RPS6KA5: variants seen among roughly 807,000 people sequenced by gnomAD.
RPS6KA5 encodes the protein ribosomal protein S6 kinase alpha-5.
RPS6KA5 carries 27 observed loss-of-function variants against 85.5 expected under a neutral mutation model. That is an observed-to-expected ratio of 0.32 (90% CI 0.23 to 0.44). The LOEUF is 0.44. Among genes scored for constraint, RPS6KA5 ranks in the 20% least tolerant of loss-of-function variants. The pLI is 1.00. For synonymous variants in RPS6KA5, 334 were observed against 348.2 expected (o/e 0.96, Z 0.46); for missense variants, 811 against 980.9 (o/e 0.83, Z 2.31).
intron 7 of RPS6KA5, among the ~76,000 whole-genome samples, chr14:90,907,073 C>T (rs987891709): frequency 6.6e-6 from 1 of 152,064 alleles, no homozygotes; most frequent in East Asian, 1.9e-4. Flanking sequence ...TCCAAGTGTA[C>T]CTTTCTCCCT....
Position 90,947,430 on chromosome 14 carries a change from CT to C in RPS6KA5, c.510+4del. 1 of 1,544,044 alleles carries C rather than the reference CT, an allele frequency of 6.5e-7. No individual in the cohort carries two copies. The highest frequency in any genetic ancestry group is 9.0e-7 in the Non-Finnish European group (1 of 1,116,768). Reference sequence around the variant, plus strand: ...AAAAGAAACCTGAAAAATGAAGAGTCTTACCTTGTGGAGATGTTCGAGGGCA... The same window carrying C: ...AAAAGAAACCTGAAAAATGAAGAGTCTACCTTGTGGAGATGTTCGAGGGCA... On this transcript the variant is annotated splice_donor_region_variant and intron_variant, in intron 4 of 16. Coordinates refer to ENST00000614987, the MANE Select transcript of RPS6KA5 (RefSeq NM_004755.4).
At chr14:91,047,421 C>T (rs138463325) in intron 1 of RPS6KA5, among the ~76,000 whole-genome samples, 1 of 152,206 alleles carries the variant, frequency 6.6e-6, no homozygotes, top group Non-Finnish European at 1.5e-5. Context: ...AGCAGCACAG[C>T]TAGCCTTGGT....
intron 1 of RPS6KA5, chr14:91,060,029 G>A (rs2043574772): frequency 2.0e-6 from 2 of 985,258 alleles, no homozygotes; most frequent in Non-Finnish European, 2.4e-6. Flanking sequence ...TGTGCGGGAA[G>A]GGGGAGCAGC....
In RPS6KA5 at chr14:90,890,685, G is replaced by A; in HGVS notation, c.1645-7C>T. ...CATCGGTGAACAATAAATTCTGCAA[G>A]ATATCAATGCTTACATTAGTTTCTC... On this transcript the variant is annotated splice_region_variant and splice_polypyrimidine_tract_variant and intron_variant, in intron 13 of 16. Transcript: ENST00000614987. The A allele has an allele frequency of 6.2e-7, 1 of 1,608,430 alleles. No individual in the cohort carries two copies.
chr14:90,892,708 CAA>C (rs1179132754), intron 13 of RPS6KA5, among the ~76,000 whole-genome samples: 1 of 152,176 alleles, frequency 6.6e-6, no homozygotes, highest in Admixed American at 6.5e-5. Context: ...AGCTACCTAC[CAA>C]AAGATAGATA....
chr14:90,872,095 C>A lies in RPS6KA5; in HGVS notation c.2388G>T (p.Gln796His), dbSNP rs1453352381. The stretch of plus-strand genomic sequence containing the variant: ...ATGCCTAAGCTACTGAGTCCGAGAA[C>A]TGGAAGAGGGTCTCCGGGTTATTGC... The part of the protein sequence containing the change: ...ADSNNPETLF[Q>H]FSDSVA Residue 796 changes from glutamine to histidine, a missense_variant, in exon 17 of 17, where the codon CAG (glutamine) becomes CAT (histidine). Transcript: ENST00000614987. 4 of 1,613,066 alleles carry A rather than the reference C, an allele frequency of 2.5e-6. No individual in the cohort carries two copies. The highest frequency in any genetic ancestry group is 3.4e-6 in the Non-Finnish European group (4 of 1,179,634).
rs541959205 is a variant in RPS6KA5 at position 90,850,791 on chromosome 14, G to A, written c.*21283C>T. On this transcript the variant is annotated 3_prime_UTR_variant, in exon 17 of 17. Transcript: ENST00000614987. ...TATGTGCTGAAAACACTGCTATGAC[G>A]ACAGTTTGATCTGATCATCTATGCA... is the stretch of plus-strand genomic sequence containing the variant. The A allele has an allele frequency of 1.3e-5, 2 of 152,300 alleles. No individual in the cohort carries two copies. Among genetic ancestry groups the A allele is most frequent in the South Asian group, 4.1e-4 (2 of 4,834 alleles). The allele number at this position is 152,300 out of a possible 1,614,324, so 9.4% of individuals were successfully genotyped here. A position where few individuals can be genotyped will look rare whatever the true frequency, so the allele number is the denominator to read the frequency against.
rs889508027 is a variant in RPS6KA5 at position 90,862,828 on chromosome 14, T to C, written c.*9246A>G. ...TATTAGCAAACTATATCCATTGATA[T>C]ATGAAAAGGGCAATACATCATGAAA... On this transcript the variant is annotated 3_prime_UTR_variant, in exon 17 of 17. Transcript: ENST00000614987. 4.6e-5 allele frequency: 7 copies of C among 152,154 alleles called. No individual in the cohort carries two copies. Among genetic ancestry groups the C allele is most frequent in the African/African-American group, 1.7e-4 (7 of 41,430 alleles). The allele number at this position is 152,154 out of a possible 1,614,324, so 9.4% of individuals were successfully genotyped here. A position where few individuals can be genotyped will look rare whatever the true frequency, so the allele number is the denominator to read the frequency against.
intron 5 of RPS6KA5, among the ~76,000 whole-genome samples, chr14:90,941,723 G>T (rs1047861330): frequency 6.6e-6 from 1 of 152,176 alleles, no homozygotes; most frequent in Non-Finnish European, 1.5e-5. Context: ...TTTTTAGGGG[G>T]TCAGAAGTAC....
chr14:90,996,725 CTT>C (rs140230959), intron 2 of RPS6KA5, among the ~76,000 whole-genome samples: 2,722 of 152,046 alleles, frequency 0.018, 62 homozygotes, highest in African/African-American at 0.063. Context: ...ATTTCTAAAA[CTT>C]TAATATGAAA....
chr14:90,920,059 CAT>C, intron 7 of RPS6KA5, 145 bp downstream of exon 7: 1 of 683,538 alleles, frequency 1.5e-6, no homozygotes, highest in East Asian at 2.7e-5. Context: ...ATCTATATGC[CAT>C]ATGATAGAAA....
chr14:91,054,647 A>AG (rs2043235271), intron 1 of RPS6KA5, among the ~76,000 whole-genome samples: 1 of 150,832 alleles, frequency 6.6e-6, no homozygotes, highest in Admixed American at 6.6e-5. Context: ...GAAAAAAAAA[A>AG]AAAAAAAATT....
chr14:91,025,319 T>C (rs1460777924), intron 1 of RPS6KA5, among the ~76,000 whole-genome samples: 3 of 152,222 alleles, frequency 2.0e-5, no homozygotes, highest in East Asian at 1.9e-4. Context: ...GCTGGGATTA[T>C]AGGCGTGAGC....
At position 90,860,884 on chromosome 14, in the gene RPS6KA5, A is replaced by T. The variant is rs1283101640; in HGVS notation, c.*11190T>A. On this transcript the variant is annotated 3_prime_UTR_variant, in exon 17 of 17. Transcript: ENST00000614987. ...ATATGTGAGCAAACAAACAATATAG[A>T]GTCTATTTTTTTTTTTTTTTTTTTG... 3 of 149,184 alleles carry T rather than the reference A, an allele frequency of 2.0e-5. No individual in the cohort carries two copies. Among genetic ancestry groups the T allele is most frequent in the Non-Finnish European group, 4.4e-5 (3 of 67,800 alleles). 9.2% of individuals were successfully genotyped at this position (149,184 alleles called of 1,614,324 possible). A position where few individuals can be genotyped will look rare whatever the true frequency, so the allele number is the denominator to read the frequency against.
At chr14:91,026,758 T>C (rs768268822) in intron 1 of RPS6KA5, among the ~76,000 whole-genome samples, 10 of 152,200 alleles carry the variant, frequency 6.6e-5, no homozygotes, top group Admixed American at 2.6e-4. Context: ...AGTGTGTAAG[T>C]GTTCCCTTTT....
chr14:90,943,437 G>C (rs1278935762), intron 4 of RPS6KA5, among the ~76,000 whole-genome samples: 1 of 151,918 alleles, frequency 6.6e-6, no homozygotes, highest in African/African-American at 2.4e-5. Context: ...CTTCTTTAGG[G>C]CCTCCCTCTT....
intron 1 of RPS6KA5, among the ~76,000 whole-genome samples, chr14:91,044,707 C>T (rs1454290907): frequency 6.6e-6 from 1 of 151,780 alleles, no homozygotes; most frequent in Non-Finnish European, 1.5e-5. Flanking sequence ...CCCGTCTGTA[C>T]TAAAACTATA....
Position 90,923,889 on chromosome 14 carries a change from A to T in RPS6KA5, c.619-693T>A, listed in dbSNP as rs956511133. On this transcript the variant is annotated intron_variant, in intron 5 of 16. Coordinates refer to ENST00000614987, the MANE Select transcript of RPS6KA5 (RefSeq NM_004755.4). Reference sequence around the variant, plus strand: ...ATCATGCCTGAAAGTTAACCTAAAAATTATTTTTTAGATAATCAATTATGC... The same window carrying T: ...ATCATGCCTGAAAGTTAACCTAAAATTTATTTTTTAGATAATCAATTATGC... Among the ~76,000 whole-genome samples the T allele has an allele frequency of 2.6e-5, 4 of 152,066 alleles. No homozygotes were observed. In the East Asian group the frequency reaches 7.7e-4, roughly 29 times the overall value.
At chr14:90,914,717 T>C (rs1302100326) in intron 7 of RPS6KA5, among the ~76,000 whole-genome samples, 2 of 151,932 alleles carry the variant, frequency 1.3e-5, no homozygotes, top group Non-Finnish European at 2.9e-5. Flanking sequence ...GGTTGTAGAG[T>C]GAAGCAGTGC....
Sources: allele counts gnomAD v4.1 joint callset (sites outside exome capture counted in the v4.1 genomes callset), GRCh38; gene constraint gnomAD v4.1.1; transcripts MANE v1.5; gene names NCBI Gene and HGNC (gene_info 2026-07-23, HGNC 2026-07-21).